The following NDFIP1 variants were observed in gnomAD, a reference collection of about 807,000 sequenced individuals.
NDFIP1 encodes NEDD4 family-interacting protein 1.
Under a neutral mutation model 28.8 loss-of-function variants are expected in NDFIP1, and 7 were observed. That is an observed-to-expected ratio of 0.24 (90% CI 0.14 to 0.46). NDFIP1 has a LOEUF of 0.46. Ranked by LOEUF, NDFIP1 falls within the 20% of genes least tolerant of loss-of-function variation. The pLI is 0.99. For synonymous variants in NDFIP1, 92 were observed against 101.0 expected, an observed-to-expected ratio of 0.91 and a Z score of 0.53; for missense variants, 194 against 269.1, an observed-to-expected ratio of 0.72 and a Z score of 1.95.
intron 1 of NDFIP1, among the ~76,000 whole-genome samples, chr5:142,129,323 G>T (rs1020674461): frequency 2.0e-5 from 3 of 152,088 alleles, no homozygotes; most frequent in Non-Finnish European, 4.4e-5. Flanking sequence ...ATGGTCCCAA[G>T]AACTCTATTT....
Position 142,112,869 on chromosome 5 carries a change from CTG to C in NDFIP1, c.63+3834_63+3835del, listed in dbSNP as rs1212559916. Among the ~76,000 whole-genome samples, 5 of 151,450 alleles carry C rather than the reference CTG, an allele frequency of 3.3e-5. 1 individual carries two copies. Among genetic ancestry groups the C allele is most frequent in the African/African-American group, 1.2e-4 (5 of 41,248 alleles). On this transcript the variant is annotated intron_variant, in intron 1 of 7. Transcript: ENST00000253814. ...TCATTTTTGCCTTTTGAAACTGAGA[CTG>C]TCTCAGACAGTATGGAAGCACTATT... is the stretch of plus-strand genomic sequence containing the variant.
At chr5:142,116,797 G>A (rs1381918569) in intron 1 of NDFIP1, among the ~76,000 whole-genome samples, 4 of 151,900 alleles carry the variant, frequency 2.6e-5, no homozygotes. Context: ...TGCAATCTCC[G>A]CCTCCTGGGT....
At chr5:142,138,825 A>C (rs1414945722) in intron 5 of NDFIP1, among the ~76,000 whole-genome samples, 2 of 152,008 alleles carry the variant, frequency 1.3e-5, no homozygotes, top group Admixed American at 1.3e-4. Context: ...TTCGAACTAC[A>C]TTAAACTCTT....
Position 142,140,695 on chromosome 5 carries a change from T to A in NDFIP1, c.562+66T>A. ...ATTAAATTTTATAAGTAAAATTACT[T>A]GTAGTAAATGTTCATCTTGATTACT... On this transcript the variant is annotated intron_variant, in intron 6 of 7. Coordinates refer to ENST00000253814, the MANE Select transcript of NDFIP1 (RefSeq NM_030571.4). The A allele has an allele frequency of 6.3e-6, 8 of 1,270,698 alleles. No individual in the cohort carries two copies. In the South Asian group the frequency reaches 6.6e-5, roughly 10 times the overall value. 78.7% of individuals were successfully genotyped at this position (1,270,698 alleles called of 1,614,324 possible).
Position 142,132,759 on chromosome 5 carries a change from G to A in NDFIP1, c.282+417G>A, listed in dbSNP as rs377007629. Among the ~76,000 whole-genome samples the A allele has an allele frequency of 7.4e-4, 113 of 152,310 alleles. 4 individuals carry two copies. The South Asian group carries it at 0.02, about 27-fold the overall frequency. On this transcript the variant is annotated intron_variant, in intron 3 of 7. Coordinates refer to ENST00000253814, the MANE Select transcript of NDFIP1 (RefSeq NM_030571.4). Reference sequence around the variant, plus strand: ...GAGGGATCTTCACATTGATTTAGATGAACTCCGTTCTTCCAGCAGTCCAGA... The same window carrying A: ...GAGGGATCTTCACATTGATTTAGATAAACTCCGTTCTTCCAGCAGTCCAGA...
chr5:142,115,930 A>G (rs1021227379), intron 1 of NDFIP1, among the ~76,000 whole-genome samples: 18 of 152,258 alleles, frequency 1.2e-4, no homozygotes, highest in Admixed American at 5.2e-4. Context: ...GCTATTTTAC[A>G]TAGCATTTAC....
chr5:142,131,266 G>C (rs969662627), intron 1 of NDFIP1, among the ~76,000 whole-genome samples: 5 of 151,744 alleles, frequency 3.3e-5, no homozygotes, highest in African/African-American at 9.7e-5. Context: ...CACCATGCCT[G>C]GCTGAAATTT....
rs570544089 is a variant in NDFIP1, at chr5:142,137,112, AG to A, written c.371-621del. Among the ~76,000 whole-genome samples the A allele has an allele frequency of 1.0e-4, 15 of 149,982 alleles. 1 individual carries two copies. In the South Asian group the frequency reaches 2.7e-3, roughly 27 times the overall value. ...AAAAAAGCAGAGGTTGTAAGTATAC[AG>A]TTTGGTGAATGTTAAGGTTTGCTTT... On this transcript the variant is annotated intron_variant, in intron 4 of 7. Transcript: ENST00000253814.
chr5:142,125,056 A>G (rs1812941), intron 1 of NDFIP1, among the ~76,000 whole-genome samples: 40,937 of 151,964 alleles, frequency 0.27, 6,922 homozygotes, highest in Non-Finnish European at 0.37. Context: ...TCGATCTCCT[A>G]ACCTCGTGAT....
At position 142,153,473 on chromosome 5, in the gene NDFIP1, G is replaced by A. The variant is rs1757468381; in HGVS notation, c.*1745G>A. 2.2e-6 allele frequency: 1 copy of A among 454,810 alleles called. No homozygotes were observed. The highest frequency in any genetic ancestry group is 2.0e-5 in the African/African-American group (1 of 50,032). The allele number at this position is 454,810 out of a possible 1,614,324, so 28.2% of individuals were successfully genotyped here. A position where few individuals can be genotyped will look rare whatever the true frequency, so the allele number is the denominator to read the frequency against. ...GTTTGAAAGCCAAACAGGAAAATTAGGAGCCTCCTGGATTGACATTTCAAT... is the reference window on the plus strand; with the variant it reads ...GTTTGAAAGCCAAACAGGAAAATTAAGAGCCTCCTGGATTGACATTTCAAT... On this transcript the variant is annotated 3_prime_UTR_variant, in exon 8 of 8. Coordinates refer to ENST00000253814, the MANE Select transcript of NDFIP1 (RefSeq NM_030571.4).
At chr5:142,117,949 G>A (rs1041453890) in intron 1 of NDFIP1, among the ~76,000 whole-genome samples, 1 of 151,898 alleles carries the variant, frequency 6.6e-6, no homozygotes, top group Non-Finnish European at 1.5e-5. Context: ...ACCCAGGCTG[G>A]CGTCAAACTC....
intron 1 of NDFIP1, among the ~76,000 whole-genome samples, chr5:142,126,903 A>G (rs781263741): frequency 2.0e-5 from 3 of 152,166 alleles, no homozygotes; most frequent in Non-Finnish European, 4.4e-5. Context: ...AGAACTATAT[A>G]TGATTTCTGT....
rs1257529925 is a variant in NDFIP1, at chr5:142,137,744, C to T, written c.381C>T (p.Leu127=). The part of the protein sequence containing the change: ...IFMLTFFMAF[L]FNWIGFFLSF... ...CCTCTGCTTTTGCAGTGGCATTCCT[C>T]TTTAACTGGATTGGGTTTTTCCTGT... is the stretch of plus-strand genomic sequence containing the variant. Residue 127 remains leucine (L), a synonymous_variant, in exon 5 of 8, where the codon CTC becomes CTT. Transcript: ENST00000253814. 2 of 1,613,974 alleles carry T rather than the reference C, an allele frequency of 1.2e-6. No individual in the cohort carries two copies. The highest frequency in any genetic ancestry group is 1.7e-6 in the Non-Finnish European group (2 of 1,179,996).
At chr5:142,130,438 A>G (rs138792656) in intron 1 of NDFIP1, among the ~76,000 whole-genome samples, 76 of 152,294 alleles carry the variant, frequency 5.0e-4, no homozygotes, top group African/African-American at 1.7e-3. Context: ...ATTATTTAAG[A>G]TTTAATTTGG....
At chr5:142,150,961 A>T (rs1484722836) in intron 7 of NDFIP1, among the ~76,000 whole-genome samples, 2 of 152,094 alleles carry the variant, frequency 1.3e-5, no homozygotes, top group East Asian at 3.9e-4. Flanking sequence ...TAATATAGGG[A>T]ATTACTTGTA....
chr5:142,145,731 G>A (rs1757382082), intron 7 of NDFIP1, among the ~76,000 whole-genome samples: 1 of 152,032 alleles, frequency 6.6e-6, no homozygotes, highest in South Asian at 2.1e-4. Flanking sequence ...AAAAAGTCAG[G>A]TTGAAACAAG....
chr5:142,130,516 T>TTCTA (rs1260641596), intron 1 of NDFIP1, among the ~76,000 whole-genome samples: 3 of 152,112 alleles, frequency 2.0e-5, no homozygotes, highest in Non-Finnish European at 4.4e-5. Context: ...CAGATTATTT[T>TTCTA]TCTAACTTTA....
intron 7 of NDFIP1, among the ~76,000 whole-genome samples, chr5:142,150,721 CAA>C (rs11301868): frequency 4.7e-4 from 63 of 133,812 alleles, no homozygotes; most frequent in South Asian, 2.2e-3. Flanking sequence ...CTCTTGTCTC[CAA>C]AAAAAAAAAA....
chr5:142,144,296 T>C (rs1757366369), intron 6 of NDFIP1: 1 of 220,356 alleles, frequency 4.5e-6, no homozygotes, highest in Admixed American at 5.4e-5. Flanking sequence ...CTTTCATATG[T>C]AAATGTTTGG....
Sources: gnomAD v4.1 joint callset for allele counts (sites outside exome capture counted in the v4.1 genomes callset) on GRCh38, gnomAD v4.1.1 for gene constraint, MANE v1.5 for transcripts, NCBI Gene and HGNC (gene_info 2026-07-23, HGNC 2026-07-21) for gene names.